Variants in DZIP1L observed in about 807,000 individuals in gnomAD.
DZIP1L encodes the protein DAZ interacting zinc finger protein 1 like, also known as cilium assembly protein DZIP1L.
DZIP1L carries 90 observed loss-of-function variants against 88.7 expected under a neutral mutation model. The ratio of observed to expected loss-of-function variants is 1.02; its 90% confidence interval spans 0.86 to 1.21. The LOEUF (loss-of-function observed/expected upper bound fraction) is 1.21, where lower values mean the gene tolerates loss of function less well. Ranked by LOEUF, DZIP1L falls within the 50% of genes most tolerant of loss-of-function variation. The pLI, the probability that DZIP1L is intolerant of heterozygous loss-of-function variation, is 0.00. For missense variants in DZIP1L, 932 were observed against 955.8 expected (o/e 0.98, Z 0.33); for synonymous variants, 363 against 372.1 (o/e 0.98, Z 0.28).
intron 11 of DZIP1L, among the ~76,000 whole-genome samples, chr3:138,073,291 A>G (rs1943261762): frequency 6.6e-6 from 1 of 152,080 alleles, no homozygotes; most frequent in Admixed American, 6.5e-5. Context: ...AAAAAGAAAA[A>G]ACAAGGACCC....
At chr3:138,111,850 C>T (rs1427785847) in intron 1 of DZIP1L, among the ~76,000 whole-genome samples, 1 of 152,046 alleles carries the variant, frequency 6.6e-6, no homozygotes, top group Non-Finnish European at 1.5e-5. Flanking sequence ...CAAAAATTAG[C>T]TGGGCATGGT....
chr3:138,067,563 T>C lies in DZIP1L; in HGVS notation c.1970A>G (p.Glu657Gly). ...DWDWSDTETS[E>G]ENAQPPGQGS... ...CTGGCCAGGGGGCTGGGCATTCTCC[T>C]CCGAGGTCTCTGTGTCAGACCAGTC... Residue 657 changes from glutamate to glycine, a missense_variant, in exon 14 of 16, where the codon GAG (glutamate) becomes GGG (glycine). Transcript: ENST00000327532. 1.2e-6 allele frequency: 2 copies of C among 1,610,236 alleles called. No individual in the cohort carries two copies. The highest frequency in any genetic ancestry group is 1.7e-6 in the Non-Finnish European group (2 of 1,178,390).
intron 6 of DZIP1L, 81 bp downstream of exon 6, chr3:138,088,298 A>T: frequency 6.8e-7 from 1 of 1,477,804 alleles, no homozygotes; most frequent in Non-Finnish European, 9.0e-7. Flanking sequence ...ACTTCTCTAC[A>T]TTCATAAATG....
rs1943193465 is a variant in DZIP1L at position 138,071,806 on chromosome 3, G to A, written c.1452C>T (p.Leu484=). 9 of 1,613,950 alleles carry A rather than the reference G, an allele frequency of 5.6e-6. No homozygotes were observed. Among genetic ancestry groups the A allele is most frequent in the Non-Finnish European group, 7.6e-6 (9 of 1,179,946 alleles). Residue 484 remains leucine, a synonymous_variant, in exon 12 of 16, where the codon CTC becomes CTT. Coordinates refer to ENST00000327532, the MANE Select transcript of DZIP1L (RefSeq NM_173543.3). ...KDAKGISIQT[L]RHLESLLRVQ... is the part of the protein sequence containing the mutation. Reference sequence around the variant, plus strand: ...CTCTCAGCAGGGATTCCAGGTGTCTGAGAGTCTGAATCGAGATTCCCTTTG... The same window carrying A: ...CTCTCAGCAGGGATTCCAGGTGTCTAAGAGTCTGAATCGAGATTCCCTTTG...
At chr3:138,067,778 A>T (rs769081351) in intron 13 of DZIP1L, 78 bp from the exon 14 acceptor site, 1 of 1,457,776 alleles carries the variant, frequency 6.9e-7, no homozygotes, top group Non-Finnish European at 9.1e-7. Flanking sequence ...ACCACGCTTC[A>T]AGCTGGTTTG....
intron 3 of DZIP1L, among the ~76,000 whole-genome samples, chr3:138,095,987 GT>G (rs1271842215): frequency 1.3e-5 from 2 of 152,084 alleles, no homozygotes; most frequent in Non-Finnish European, 1.5e-5. Context: ...TTGAACATTT[GT>G]TACTTTTTAA....
chr3:138,102,197 C>G, intron 2 of DZIP1L: 4 of 1,377,038 alleles, frequency 2.9e-6, no homozygotes, highest in Non-Finnish European at 3.1e-6. Flanking sequence ...CAGGCGTGTC[C>G]GAGATCTGGG....
chr3:138,103,074 CCA>C (rs2042370214), intron 2 of DZIP1L, among the ~76,000 whole-genome samples: 1 of 152,076 alleles, frequency 6.6e-6, no homozygotes. Flanking sequence ...ACATTACACA[CCA>C]CACACCCTAC....
At chr3:138,100,742 T>C (rs979768480) in intron 2 of DZIP1L, among the ~76,000 whole-genome samples, 1 of 152,218 alleles carries the variant, frequency 6.6e-6, no homozygotes, top group Middle Eastern at 3.2e-3. Flanking sequence ...CATCCATCCG[T>C]AAACTATGAA....
At chr3:138,104,093 G>C in intron 1 of DZIP1L, 41 bp from the exon 2 acceptor site, 1 of 1,470,228 alleles carries the variant, frequency 6.8e-7, no homozygotes, top group Non-Finnish European at 8.9e-7. Flanking sequence ...TGAGGTGTGT[G>C]TGGCTGCACC....
chr3:138,070,016 C>T (rs1049074318), intron 12 of DZIP1L, among the ~76,000 whole-genome samples: 1 of 152,200 alleles, frequency 6.6e-6, no homozygotes, highest in Non-Finnish European at 1.5e-5. Context: ...GGCTTTTTTA[C>T]TACAGGAACA....
At chr3:138,069,789 G>C (rs1274100206) in intron 12 of DZIP1L, among the ~76,000 whole-genome samples, 1 of 152,132 alleles carries the variant, frequency 6.6e-6, no homozygotes, top group Non-Finnish European at 1.5e-5. Flanking sequence ...GCCTTGCCCA[G>C]GCCACAGAAG....
chr3:138,114,091 A>G (rs2042656959), intron 1 of DZIP1L, among the ~76,000 whole-genome samples: 1 of 152,230 alleles, frequency 6.6e-6, no homozygotes, highest in South Asian at 2.1e-4. Context: ...TTTCTTTGCC[A>G]TGAAGGAGTT....
At chr3:138,081,688 A>G in intron 9 of DZIP1L, 46 bp downstream of exon 9, 2 of 1,580,336 alleles carry the variant, frequency 1.3e-6, no homozygotes, top group East Asian at 2.3e-5. Flanking sequence ...GAAAAGCCAG[A>G]GACAATAGTC....
At chr3:138,112,278 A>C (rs1221384155) in intron 1 of DZIP1L, 1 of 152,204 alleles carries the variant, frequency 6.6e-6, no homozygotes, top group Non-Finnish European at 1.5e-5. Context: ...ATCTGACTCC[A>C]GAGCTTTTGA....
intron 14 of DZIP1L, among the ~76,000 whole-genome samples, chr3:138,066,054 G>A (rs1347096072): frequency 6.6e-6 from 1 of 152,128 alleles, no homozygotes; most frequent in Non-Finnish European, 1.5e-5. Context: ...GGCTGAAAAG[G>A]GCAAAGAGCT....
intron 11 of DZIP1L, among the ~76,000 whole-genome samples, chr3:138,076,082 G>A (rs921342775): frequency 6.6e-6 from 1 of 152,202 alleles, no homozygotes; most frequent in East Asian, 1.9e-4. Flanking sequence ...AGTGGGCCCA[G>A]AAGCCTTGGG....
In DZIP1L at chr3:138,064,687, G is replaced by C; in HGVS notation, c.2083C>G (p.Leu695Val). ...GGCCCAGCATTGGGCATAAAAAACA[G>C]ACTGACCCCTCCAGCAGGCTTCTTT... is the stretch of plus-strand genomic sequence containing the variant. The part of the protein sequence containing the change: ...PAKKPAGGVS[L>V]FFMPNAGPQR... Residue 695 changes from leucine (L) to valine (V), a missense_variant, in exon 15 of 16, where the codon CTG (leucine) becomes GTG (valine). Leu to Val is a conservative substitution (Grantham distance 32). Transcript: ENST00000327532. 6.2e-7 allele frequency: 1 copy of C among 1,614,112 alleles called. No individual in the cohort carries two copies. The highest frequency in any genetic ancestry group is 8.5e-7 in the Non-Finnish European group (1 of 1,179,998).
chr3:138,068,959 C>G, intron 12 of DZIP1L: 2 of 1,262,886 alleles, frequency 1.6e-6, no homozygotes, highest in African/African-American at 3.1e-5. Context: ...GAGTGCATCA[C>G]AGGGAGTCAG....
Sources: allele counts gnomAD v4.1 joint callset (sites outside exome capture counted in the v4.1 genomes callset), GRCh38; gene constraint gnomAD v4.1.1; transcripts MANE v1.5; gene names NCBI Gene and HGNC (gene_info 2026-07-23, HGNC 2026-07-21).